Variants in SERPINB4 observed in about 807,000 individuals in gnomAD.
The protein encoded by SERPINB4 is serpin B4.
Under a neutral mutation model 33.2 loss-of-function variants are expected in SERPINB4, and 39 were observed. The observed-to-expected ratio is 1.18, with a 90% confidence interval of 0.91 to 1.53. The LOEUF is 1.53. SERPINB4 is among the 40% of genes most tolerant of loss of function. The pLI is 0.00. For missense variants in SERPINB4, 564 were observed against 455.4 expected (o/e 1.24, Z -2.17); for synonymous variants, 191 against 166.4 (o/e 1.15, Z -1.14).
At chr18:63,641,292 T>C (rs1308421088) in intron 4 of SERPINB4, among the ~76,000 whole-genome samples, 4 of 152,102 alleles carry the variant, frequency 2.6e-5, no homozygotes, top group South Asian at 4.1e-4. Context: ...CTTCTCAGAC[T>C]TCTCTCCAGT....
chr18:63,637,972 A>G lies in SERPINB4; in HGVS notation c.920T>C (p.Ile307Thr). 1 of 1,613,638 alleles carries G rather than the reference A, an allele frequency of 6.2e-7. No homozygotes were observed. Among genetic ancestry groups the G allele is most frequent in the African/African-American group, 1.3e-5 (1 of 74,992 alleles). The change falls in exon 8 of 8, where the codon ATC becomes ACC. Residue 307 changes from isoleucine (I) to threonine (T), a missense_variant. Ile to Thr is a moderately conservative substitution (Grantham distance 89). Coordinates refer to ENST00000341074, the MANE Select transcript of SERPINB4 (RefSeq NM_002974.4). ...DTLRTMGMVNIFNGDADLSGM... is the reference protein window; with the variant it reads ...DTLRTMGMVNTFNGDADLSGM... ...TGAGAGGTCTGCATCCCCATTGAAGATATTCACCATTCCCATGGTTCTCAA... is the reference window on the plus strand; with the variant it reads ...TGAGAGGTCTGCATCCCCATTGAAGGTATTCACCATTCCCATGGTTCTCAA...
At chr18:63,640,377 T>C (rs1464050296) in intron 5 of SERPINB4, among the ~76,000 whole-genome samples, 1 of 152,034 alleles carries the variant, frequency 6.6e-6, no homozygotes, top group Non-Finnish European at 1.5e-5. Flanking sequence ...TTGCCCTTGA[T>C]GGGGAAGAGA....
intron 3 of SERPINB4, among the ~76,000 whole-genome samples, chr18:63,642,714 A>G (rs1238221862): frequency 6.6e-6 from 1 of 152,092 alleles, no homozygotes; most frequent in African/African-American, 2.4e-5. Flanking sequence ...CATTATTATG[A>G]TTAGTATAAT....
intron 5 of SERPINB4, 106 bp from the exon 6 acceptor site, chr18:63,639,882 C>T: frequency 9.4e-7 from 1 of 1,063,612 alleles, no homozygotes; most frequent in Non-Finnish European, 1.4e-6. Context: ...GACCCAAATC[C>T]CTGCTTGAGA....
intron 3 of SERPINB4, chr18:63,642,938 T>A: frequency 5.2e-6 from 3 of 577,890 alleles, no homozygotes; most frequent in Non-Finnish European, 9.2e-6. Context: ...CCTATCCTGA[T>A]CCAGACCTAT....
rs528469387 is a variant in SERPINB4, at chr18:63,641,775, C to A, written c.336G>T (p.Thr112=). The A allele has an allele frequency of 1.2e-5, 19 of 1,613,188 alleles. No homozygotes were observed. The highest frequency in any genetic ancestry group is 1.4e-5 in the Non-Finnish European group (17 of 1,179,452). The part of the protein sequence containing the change: ...KIANKLFGEK[T]YQFLQEYLDA... ...GTGAAATTACCTGTAAAAATTGATACGTCTTTTCTCCGAAGAGCTTGTTGG... is the reference window on the plus strand; with the variant it reads ...GTGAAATTACCTGTAAAAATTGATAAGTCTTTTCTCCGAAGAGCTTGTTGG... The change falls in exon 4 of 8, where the codon ACG becomes ACT. Residue 112 remains threonine, a synonymous_variant. Transcript: ENST00000341074.
At chr18:63,638,321 T>C (rs546105458) in intron 7 of SERPINB4, among the ~76,000 whole-genome samples, 198 bp from the exon 8 acceptor site, 2 of 152,172 alleles carry the variant, frequency 1.3e-5, no homozygotes, top group Admixed American at 6.6e-5. Flanking sequence ...TATGTGTATA[T>C]GTATATACAT....
At position 63,638,027 on chromosome 18, in the gene SERPINB4, T is replaced by G. The variant is rs199677518; in HGVS notation, c.865A>C (p.Met289Leu). 327 of 1,613,502 alleles carry G rather than the reference T, an allele frequency of 2.0e-4. No individual in the cohort carries two copies. Among genetic ancestry groups the G allele is most frequent in the Non-Finnish European group, 2.5e-4 (297 of 1,179,746 alleles). The change falls in exon 8 of 8, where the codon ATG becomes CTG. Residue 289 changes from methionine to leucine, a missense_variant. By Grantham distance (15) the Met-to-Leu change is conservative. Coordinates refer to ENST00000341074, the MANE Select transcript of SERPINB4 (RefSeq NM_002974.4). The part of the protein sequence containing the change: ...CVDLHLPRFK[M>L]EESYDLKDTL... ...TCCTTGAGGTCATAGCTCTCTTCCA[T>G]TTTGAACCGAGGTAAGTGTAAATCG...
chr18:63,638,036 G>A lies in SERPINB4; in HGVS notation c.856C>T (p.Arg286Trp), dbSNP rs371852189. 136 of 1,613,418 alleles carry A rather than the reference G, an allele frequency of 8.4e-5. No homozygotes were observed. Among genetic ancestry groups the A allele is most frequent in the Non-Finnish European group, 1.1e-4 (132 of 1,179,738 alleles). ...RETCVDLHLP[R>W]FKMEESYDLK... ...TCATAGCTCTCTTCCATTTTGAACCGAGGTAAGTGTAAATCGACACATGTC... is the reference window on the plus strand; with the variant it reads ...TCATAGCTCTCTTCCATTTTGAACCAAGGTAAGTGTAAATCGACACATGTC... The change falls in exon 8 of 8, where the codon CGG becomes TGG. Residue 286 changes from arginine to tryptophan, a missense_variant. By Grantham distance (101) the Arg-to-Trp change is moderately radical (BLOSUM62 -3). Coordinates refer to ENST00000341074, the MANE Select transcript of SERPINB4 (RefSeq NM_002974.4).
intron 1 of SERPINB4, 80 bp downstream of exon 1, chr18:63,644,129 T>A (rs959847390): frequency 6.5e-6 from 1 of 155,024 alleles, no homozygotes; most frequent in African/African-American, 2.4e-5. Context: ...ATGCAGGAGA[T>A]GCATGATATA....
At chr18:63,639,530 A>C in intron 6 of SERPINB4, 104 bp downstream of exon 6, 2 of 1,033,504 alleles carry the variant, frequency 1.9e-6, no homozygotes, top group Non-Finnish European at 2.8e-6. Context: ...AATAACAGAC[A>C]TGAACAATTT....
chr18:63,642,832 C>T, intron 3 of SERPINB4: 3 of 250,400 alleles, frequency 1.2e-5, no homozygotes, highest in South Asian at 9.9e-5. Context: ...TTTTTCTTAC[C>T]CTTAGTTTTC....
chr18:63,637,953 G>A lies in SERPINB4; in HGVS notation c.939C>T (p.Asp313=), dbSNP rs774896682. ...CGTGGCTCCAGGTCATGCCTGAGAG[G>A]TCTGCATCCCCATTGAAGATATTCA... ...GMVNIFNGDA[D]LSGMTWSHGL... Residue 313 remains aspartate (D), a synonymous_variant, in exon 8 of 8, where the codon GAC becomes GAT. Transcript: ENST00000341074. 1.2e-6 allele frequency: 2 copies of A among 1,613,522 alleles called. No individual in the cohort carries two copies. The highest frequency in any genetic ancestry group is 2.7e-5 in the African/African-American group (2 of 74,878).
rs774383992 is a variant in SERPINB4 at position 63,639,768 on chromosome 18, T to A, written c.478A>T (p.Lys160Ter). 5.0e-6 allele frequency: 8 copies of A among 1,608,286 alleles called. No homozygotes were observed. Among genetic ancestry groups the A allele is most frequent in the Non-Finnish European group, 5.9e-6 (7 of 1,177,496 alleles). Residue 160 changes from lysine (K) to a stop codon, truncating the protein, a stop_gained, in exon 6 of 8, where the codon AAA (lysine) becomes TAA (stop). Coordinates refer to ENST00000341074, the MANE Select transcript of SERPINB4 (RefSeq NM_002974.4). LOFTEE classifies it high-confidence loss of function. ...WVESQTNEKIKNLFPDGTIGN... is the reference protein window; with the variant it reads ...WVESQTNEKI ...ATAGTCCCATCAGGAAATAGGTTTT[T>A]AATTTTTTCTGCAAGGGAAAGAATA...
chr18:63,642,939 C>T (rs1369247796), intron 3 of SERPINB4: 42 of 578,642 alleles, frequency 7.3e-5, no homozygotes, highest in Middle Eastern at 4.6e-4. Context: ...CTATCCTGAT[C>T]CAGACCTATG....
chr18:63,639,457 A>C, intron 6 of SERPINB4, 117 bp from the exon 7 acceptor site: 1 of 1,122,458 alleles, frequency 8.9e-7, no homozygotes, highest in Non-Finnish European at 1.2e-6. Context: ...GAATTCCATG[A>C]GTTAGAAACA....
chr18:63,637,908 G>A lies in SERPINB4; in HGVS notation c.984C>T (p.Val328=), dbSNP rs760354876. 3.1e-6 allele frequency: 5 copies of A among 1,613,552 alleles called. No individual in the cohort carries two copies. The highest frequency in any genetic ancestry group is 4.2e-6 in the Non-Finnish European group (5 of 1,179,724). ...TGACCTCCACAAAGGCCTTGTGTAG[G>A]ACTTTAGATACTGAGAGACCGTGGC... The part of the protein sequence containing the change: ...TWSHGLSVSK[V]LHKAFVEVTE... The change falls in exon 8 of 8, where the codon GTC becomes GTT. Residue 328 remains valine (V), a synonymous_variant. Coordinates refer to ENST00000341074, the MANE Select transcript of SERPINB4 (RefSeq NM_002974.4).
At chr18:63,639,975 T>A (rs1913072146) in intron 5 of SERPINB4, among the ~76,000 whole-genome samples, 199 bp from the exon 6 acceptor site, 1 of 152,100 alleles carries the variant, frequency 6.6e-6, no homozygotes, top group South Asian at 2.1e-4. Flanking sequence ...TCCAGTCGTA[T>A]AAAGTTACCC....
Position 63,637,521 on chromosome 18 carries a change from T to C in SERPINB4, c.*198A>G, listed in dbSNP as rs989247827. 5 of 528,478 alleles carry C rather than the reference T, an allele frequency of 9.5e-6. No homozygotes were observed. In the African/African-American group the frequency reaches 9.7e-5, roughly 10 times the overall value. 32.7% of individuals were successfully genotyped at this position (528,478 alleles called of 1,614,324 possible). Reference sequence around the variant, plus strand: ...AGGGAAATTTTTCTGGAAGGAAAAGTACATTTATATGTGGGCTTATTAAGA... The same window carrying C: ...AGGGAAATTTTTCTGGAAGGAAAAGCACATTTATATGTGGGCTTATTAAGA... On this transcript the variant is annotated 3_prime_UTR_variant, in exon 8 of 8. Coordinates refer to ENST00000341074, the MANE Select transcript of SERPINB4 (RefSeq NM_002974.4).
Sources: gnomAD v4.1 joint callset for allele counts (sites outside exome capture counted in the v4.1 genomes callset) on GRCh38, gnomAD v4.1.1 for gene constraint, MANE v1.5 for transcripts, NCBI Gene and HGNC (gene_info 2026-07-23, HGNC 2026-07-21) for gene names.